GPR84: variants seen among roughly 807,000 people sequenced by gnomAD.
GPR84 encodes G-protein coupled receptor 84.
Under a neutral mutation model 14.9 loss-of-function variants are expected in GPR84, and 8 were observed. That is an observed-to-expected ratio of 0.54 (90% confidence interval 0.31 to 0.97). GPR84 has a LOEUF of 0.97. Ranked by LOEUF, GPR84 falls within the 50% of genes least tolerant of loss-of-function variation. GPR84 has a pLI of 0.04. For synonymous variants in GPR84, 164 were observed against 198.1 expected (o/e 0.83, Z 1.45); for missense variants, 424 against 498.7 (o/e 0.85, Z 1.43).
At chr12:54,358,495 A>G (rs539181143), downstream of GPR84, among the ~76,000 whole-genome samples, 11 of 151,618 alleles carry the variant, frequency 7.3e-5, no homozygotes, top group South Asian at 1.9e-3. Context: ...TTTCTTTGCT[A>G]TTACCTTCCA....
chr12:54,358,214 G>C (rs1011971859), downstream of GPR84, among the ~76,000 whole-genome samples: 1 of 152,192 alleles, frequency 6.6e-6, no homozygotes, highest in African/African-American at 2.4e-5. Context: ...AGGTGGGCAA[G>C]GGGAGGAGTG....
At chr12:54,359,094 G>C (rs1292518039), downstream of GPR84, among the ~76,000 whole-genome samples, 1 of 151,860 alleles carries the variant, frequency 6.6e-6, no homozygotes, top group Non-Finnish European at 1.5e-5. Flanking sequence ...TGAGGGGAGG[G>C]AAAGAGGGGA....
chr12:54,357,815 G>A (rs1361484386), downstream of GPR84, among the ~76,000 whole-genome samples: 3 of 152,168 alleles, frequency 2.0e-5, no homozygotes, highest in Non-Finnish European at 2.9e-5. Flanking sequence ...GGGGGGAAAT[G>A]GGCTTCTCCC....
downstream of GPR84, among the ~76,000 whole-genome samples, chr12:54,361,077 T>C (rs1162018239): frequency 6.6e-6 from 1 of 152,170 alleles, no homozygotes. This position sits in a 1 kb window ranked among gnomAD's most constrained non-coding sequence, Gnocchi z 4.3. Context: ...AGCACGCACA[T>C]TGTGACAGGA....
chr12:54,359,120 G>T (rs1206632073), downstream of GPR84, among the ~76,000 whole-genome samples: 1 of 151,978 alleles, frequency 6.6e-6, no homozygotes, highest in Non-Finnish European at 1.5e-5. Context: ...GCGGGGGAGA[G>T]GAGGAGGGAC....
Position 54,362,849 on chromosome 12 carries a change from AG to A in GPR84, c.1002del (p.Phe335SerfsTer39), listed in dbSNP as rs1954285527. 1.2e-6 allele frequency: 2 copies of A among 1,614,092 alleles called. No homozygotes were observed. The highest frequency in any genetic ancestry group is 1.7e-6 in the Non-Finnish European group (2 of 1,180,040). On this transcript the variant is annotated frameshift_variant, in exon 2 of 2. Transcript: ENST00000267015. LOFTEE classifies it high-confidence loss of function. This position sits in a 1 kb window ranked among gnomAD's most constrained non-coding sequence, Gnocchi z 4.0. Reference sequence around the variant, plus strand: ...GCATCCAGAATGTTGAGCAGCAAGAAGGGGATGTAGCTCAGGGCAAAGCAGA... The same window carrying A: ...GCATCCAGAATGTTGAGCAGCAAGAAGGGATGTAGCTCAGGGCAAAGCAGA... The part of the protein sequence containing the change: ...VFLCFALSYI[P>X]FLLLNILDAR...
downstream of GPR84, among the ~76,000 whole-genome samples, chr12:54,361,615 C>G (rs1350346297): frequency 1.3e-5 from 2 of 152,180 alleles, no homozygotes; most frequent in Non-Finnish European, 2.9e-5. The surrounding 1 kb of genome is among the most constrained non-coding windows in gnomAD (Gnocchi z 4.3). Context: ...AGGTGATCCA[C>G]CTGCCTCTGC....
the GPR84 span, among the ~76,000 whole-genome samples, chr12:54,356,530 C>T: frequency 6.6e-6 from 1 of 152,230 alleles, no homozygotes; most frequent in Non-Finnish European, 1.5e-5. Flanking sequence ...CCACCACCAG[C>T]CCCTCTAGAA....
At position 54,363,317 on chromosome 12, in the gene GPR84, T is replaced by C; in HGVS notation, c.535A>G (p.Thr179Ala). 6.2e-7 allele frequency: 1 copy of C among 1,614,076 alleles called. No homozygotes were observed. Among genetic ancestry groups the C allele is most frequent in the Admixed American group, 1.7e-5 (1 of 60,016 alleles). ...SFDRIRGRPY[T>A]TILMGIYFVL... ...AAGTAGATGCCCATGAGGATGGTGGTGTAAGGCCGGCCTCGGATGCGGTCA... is the reference window on the plus strand; with the variant it reads ...AAGTAGATGCCCATGAGGATGGTGGCGTAAGGCCGGCCTCGGATGCGGTCA... Residue 179 changes from threonine (T) to alanine (A), a missense_variant, in exon 2 of 2, where the codon ACC becomes GCC. Coordinates refer to ENST00000267015, the MANE Select transcript of GPR84 (RefSeq NM_020370.3).
chr12:54,364,250 G>C (rs1411934087), intron 1 of GPR84, 143 bp downstream of exon 1: 21 of 169,556 alleles, frequency 1.2e-4, no homozygotes, highest in Non-Finnish European at 2.2e-4. Context: ...TCAGCATCGT[G>C]TATTCAGGAT....
At chr12:54,351,110 G>A in the GPR84 span, 6 of 153,558 alleles carry the variant, frequency 3.9e-5, no homozygotes, top group Admixed American at 3.8e-4. Context: ...ATAGGGAAGG[G>A]ACAACATGGA....
At chr12:54,351,443 C>T in the GPR84 span, 4 of 152,294 alleles carry the variant, frequency 2.6e-5, no homozygotes, top group African/African-American at 9.7e-5. Context: ...TACTCTCTGC[C>T]GTGGGTCTGC....
At chr12:54,359,142 G>A (rs1954241018), downstream of GPR84, among the ~76,000 whole-genome samples, 1 of 151,996 alleles carries the variant, frequency 6.6e-6, no homozygotes, top group African/African-American at 2.4e-5. Context: ...CGGCGGGAAG[G>A]GGAGGGGAGG....
In GPR84 at chr12:54,362,629, A is replaced by T. The variant is rs752705972; in HGVS notation, c.*32T>A. 1.4e-6 allele frequency: 2 copies of T among 1,420,176 alleles called. No individual in the cohort carries two copies. The highest frequency in any genetic ancestry group is 4.6e-5 in the East Asian group (2 of 43,636). The allele number at this position is 1,420,176 out of a possible 1,614,324, so 88.0% of individuals were successfully genotyped here. A position where few individuals can be genotyped will look rare whatever the true frequency, so the allele number is the denominator to read the frequency against. On this transcript the variant is annotated 3_prime_UTR_variant, in exon 2 of 2. Coordinates refer to ENST00000267015, the MANE Select transcript of GPR84 (RefSeq NM_020370.3). The surrounding 1 kb of genome is among the most constrained non-coding windows in gnomAD (Gnocchi z 4.0). ...TGGCCACTTTGGTCCTGGAGGAGAC[A>T]GTCCTGAATTCTGGTGACTAGGGTC...
At chr12:54,358,860 CCT>C (rs1954237184), downstream of GPR84, among the ~76,000 whole-genome samples, 1 of 152,092 alleles carries the variant, frequency 6.6e-6, no homozygotes, top group Non-Finnish European at 1.5e-5. Context: ...CTCAGTTTCC[CCT>C]TCGTTCCTCA....
At chr12:54,354,647 G>A in the GPR84 span, among the ~76,000 whole-genome samples, 16 of 137,574 alleles carry the variant, frequency 1.2e-4, no homozygotes, top group Admixed American at 3.2e-4. Flanking sequence ...ATTTCACCAC[G>A]TTGGCCAGGC....
downstream of GPR84, among the ~76,000 whole-genome samples, chr12:54,357,842 G>C (rs1205938875): frequency 1.3e-5 from 2 of 152,184 alleles, no homozygotes; most frequent in Non-Finnish European, 2.9e-5. Context: ...CTGCAAAAAT[G>C]TTGTAACTGC....
the GPR84 span, among the ~76,000 whole-genome samples, chr12:54,353,447 C>A: frequency 2.7e-5 from 4 of 150,668 alleles, no homozygotes; most frequent in African/African-American, 9.7e-5. Context: ...CCCCCCACCC[C>A]CCTATGTCTA....
Position 54,363,171 on chromosome 12 carries a change from C to CACATGG in GPR84, c.675_680dup (p.His226_Val227dup), listed in dbSNP as rs1238113891. ...CAGGCATGGCCTCATCAGTCCTGGC[C>CACATGG]ACATGGTTGGAGTGGATGCTTGCCT... is the stretch of plus-strand genomic sequence containing the variant. On this transcript the variant is annotated inframe_insertion, in exon 2 of 2. Transcript: ENST00000267015. The CACATGG allele has an allele frequency of 6.2e-7, 1 of 1,614,196 alleles. No homozygotes were observed. The highest frequency in any genetic ancestry group is 1.7e-5 in the Admixed American group (1 of 60,026).
Sources: gnomAD v4.1 joint callset for allele counts (sites outside exome capture counted in the v4.1 genomes callset) on GRCh38, gnomAD v4.1.1 for gene constraint, Gnocchi (gnomAD v3.1) non-coding constraint, MANE v1.5 for transcripts, NCBI Gene and HGNC (gene_info 2026-07-23, HGNC 2026-07-21) for gene names.